The following SETD1B variants were observed in gnomAD, a reference collection of about 807,000 sequenced individuals.
The protein encoded by SETD1B is SET domain containing 1B, histone lysine methyltransferase.
A neutral mutation model predicts 148.0 loss-of-function variants in SETD1B; 7 were observed. The observed-to-expected ratio is 0.05, with a 90% CI of 0.03 to 0.09. The LOEUF (loss-of-function observed/expected upper bound fraction) is 0.09. Ranked by LOEUF, SETD1B falls within the 10% of genes least tolerant of loss-of-function variation. The pLI, the probability that SETD1B is intolerant of heterozygous loss-of-function variation, is 1.00. For missense variants in SETD1B, 2,155 were observed against 2,729.9 expected, an observed-to-expected ratio of 0.79 and a Z score of 4.69; for synonymous variants, 1,361 against 1,186.5, an observed-to-expected ratio of 1.15 and a Z score of -3.02.
the SETD1B span, among the ~76,000 whole-genome samples, chr12:121,791,826 T>C: frequency 1.3e-5 from 2 of 152,168 alleles, no homozygotes. Context: ...TGGGTTGCTG[T>C]GAATGTCTCC....
intron 11 of SETD1B, among the ~76,000 whole-genome samples, chr12:121,821,657 A>G (rs1876573952): frequency 6.6e-6 from 1 of 151,738 alleles, no homozygotes; most frequent in Non-Finnish European, 1.5e-5. Context: ...AGGCTGAGGA[A>G]GGAGAATTGC....
chr12:121,806,431 G>GC (rs1247756493), intron 4 of SETD1B, among the ~76,000 whole-genome samples: 1 of 152,186 alleles, frequency 6.6e-6, no homozygotes, highest in East Asian at 1.9e-4. Context: ...CCCCAGTGTT[G>GC]CCTGTGTTAG....
Position 121,819,868 on chromosome 12 carries a change from C to A in SETD1B, c.3883C>A (p.Pro1295Thr), listed in dbSNP as rs767376054. The A allele has an allele frequency of 6.4e-7, 1 of 1,550,958 alleles. No homozygotes were observed. Among genetic ancestry groups the A allele is most frequent in the South Asian group, 1.2e-5 (1 of 84,064 alleles). The change falls in exon 11 of 17, where the codon CCC (proline) becomes ACC (threonine). Residue 1295 changes from proline (P) to threonine (T), a missense_variant. By Grantham distance (38) the Pro-to-Thr change is conservative. This residue lies in a region of SETD1B where 862 missense variants were observed against 873.8 expected (regional missense o/e 0.99). Transcript: ENST00000604567. ...CCCTGCCAAGGAGGTGGAGGCTCGACCCCCATTGTCCCCTGAGCGAGCTCC... is the reference window on the plus strand; with the variant it reads ...CCCTGCCAAGGAGGTGGAGGCTCGAACCCCATTGTCCCCTGAGCGAGCTCC... ...EPPAKEVEAR[P>T]PLSPERAPEH...
intron 6 of SETD1B, among the ~76,000 whole-genome samples, chr12:121,813,427 T>C (rs1161449571): frequency 1.3e-5 from 2 of 152,250 alleles, no homozygotes; most frequent in African/African-American, 4.8e-5. Flanking sequence ...GCAGGGTGAC[T>C]GAGAGCACAG....
chr12:121,820,028 C>T lies in SETD1B; in HGVS notation c.3910+133C>T, dbSNP rs1876494942. On this transcript the variant is annotated intron_variant, in intron 11 of 16. Transcript: ENST00000604567. Reference sequence around the variant, plus strand: ...AGTTTCCCGTGTAAAACGAGATCAGCCGGTTGTGCCTCCCTCGAGCGAGAT... The same window carrying T: ...AGTTTCCCGTGTAAAACGAGATCAGTCGGTTGTGCCTCCCTCGAGCGAGAT... The T allele has an allele frequency of 6.7e-6, 5 of 751,008 alleles. No homozygotes were observed. The South Asian group carries it at 9.0e-5, about 13-fold the overall frequency. The allele number at this position is 751,008 out of a possible 1,614,324, so 46.5% of individuals were successfully genotyped here. A position where few individuals can be genotyped will look rare whatever the true frequency, so the allele number is the denominator to read the frequency against.
intron 13 of SETD1B, among the ~76,000 whole-genome samples, chr12:121,826,046 C>T (rs1350597224): frequency 1.3e-5 from 2 of 151,950 alleles, no homozygotes; most frequent in African/African-American, 2.4e-5. Flanking sequence ...AAATCCTATT[C>T]CTCGTGGAAT....
the SETD1B span, among the ~76,000 whole-genome samples, chr12:121,794,683 G>A: frequency 6.6e-6 from 1 of 152,180 alleles, no homozygotes; most frequent in African/African-American, 2.4e-5. Flanking sequence ...GCTGCTGGCT[G>A]AATTACCCGT....
At chr12:121,796,128 GGCTGGGCCGC>G in the SETD1B span, 1 of 152,770 alleles carries the variant, frequency 6.5e-6, no homozygotes, top group Middle Eastern at 3.4e-3. Flanking sequence ...CTTCCTCGGA[GGCTGGGCCGC>G]GCTGGGCCCA....
At position 121,819,483 on chromosome 12, in the gene SETD1B, A is replaced by G; in HGVS notation, c.3498A>G (p.Ser1166=). ...GTTCCGAGTCTTCTGAGTTTGAGTC[A>G]AGCTCCGAGTCCTCGCCCTCATCCT... ...SESSESSEFE[S]SSESSPSSSE... The change falls in exon 11 of 17, where the codon TCA becomes TCG. Residue 1166 remains serine, a synonymous_variant. Coordinates refer to ENST00000604567, the MANE Select transcript of SETD1B (RefSeq NM_001353345.2). 1 of 1,552,202 alleles carries G rather than the reference A, an allele frequency of 6.4e-7. No homozygotes were observed.
chr12:121,825,487 G>C (rs906048447), intron 13 of SETD1B, 121 bp downstream of exon 13: 9 of 823,616 alleles, frequency 1.1e-5, no homozygotes, highest in Middle Eastern at 3.7e-4. Context: ...CTGGCACACA[G>C]AGGGTGCAAG....
chr12:121,795,007 G>T, the SETD1B span, among the ~76,000 whole-genome samples: 1 of 152,336 alleles, frequency 6.6e-6, no homozygotes, highest in South Asian at 2.1e-4. Flanking sequence ...CTCGGCAAGG[G>T]TCATGTAAAC....
At chr12:121,793,566 A>G in the SETD1B span, 1 of 1,552,802 alleles carries the variant, frequency 6.4e-7, no homozygotes, top group Non-Finnish European at 8.7e-7. Context: ...GCCCACGATC[A>G]CGATCTTCAG....
At chr12:121,807,415 A>C (rs945706238) in intron 4 of SETD1B, among the ~76,000 whole-genome samples, 1 of 149,210 alleles carries the variant, frequency 6.7e-6, no homozygotes. Flanking sequence ...TTTAAGGAGC[A>C]GCCAGGTCTC....
At chr12:121,822,237 A>G (rs1876594876) in intron 11 of SETD1B, among the ~76,000 whole-genome samples, 1 of 152,146 alleles carries the variant, frequency 6.6e-6, no homozygotes, top group Admixed American at 6.5e-5. Context: ...TTTGTTCTGA[A>G]GACGTAGTAT....
chr12:121,811,687 G>A (rs1465908435), intron 6 of SETD1B, among the ~76,000 whole-genome samples: 2 of 152,164 alleles, frequency 1.3e-5, no homozygotes, highest in Non-Finnish European at 2.9e-5. Context: ...GCAGTCAGGG[G>A]CTTAGACAGA....
chr12:121,805,705 T>A lies in SETD1B; in HGVS notation c.274-130T>A, dbSNP rs867116268. On this transcript the variant is annotated intron_variant, in intron 3 of 16. Transcript: ENST00000604567. This position sits in a 1 kb window ranked among gnomAD's most constrained non-coding sequence, Gnocchi z 4.2. ...CCAAAAAAAATTTTTTTTTTTTTTT[T>A]AATTTTTAGTTTTTTTACCCTTTAT... 1,073 of 738,950 alleles carry A rather than the reference T, an allele frequency of 1.5e-3. 8 individuals carry two copies. Among genetic ancestry groups the A allele is most frequent in the Middle Eastern group, 3.3e-3 (7 of 2,126 alleles). The allele number at this position is 738,950 out of a possible 1,614,324, so 45.8% of individuals were successfully genotyped here. A position where few individuals can be genotyped will look rare whatever the true frequency, so the allele number is the denominator to read the frequency against.
the SETD1B span, chr12:121,793,194 C>T: frequency 7.7e-6 from 12 of 1,550,762 alleles, no homozygotes; most frequent in East Asian, 1.7e-4. Flanking sequence ...TTGCTGCCAA[C>T]GGTCACGCTG....
chr12:121,804,577 G>A lies in SETD1B; in HGVS notation c.-14-147G>A, dbSNP rs1875616853. On this transcript the variant is annotated intron_variant, in intron 1 of 16. Transcript: ENST00000604567. The surrounding 1 kb of genome is among the most constrained non-coding windows in gnomAD (Gnocchi z 4.6). ...TATTCTCTCGCTCCATTCTTGTTTT[G>A]GGGGGAGCCAGCGAGACAGCTCCTT... The A allele has an allele frequency of 1.6e-6, 1 of 642,048 alleles. No individual in the cohort carries two copies. The highest frequency in any genetic ancestry group is 2.6e-6 in the Non-Finnish European group (1 of 378,814). The allele number at this position is 642,048 out of a possible 1,614,324, so 39.8% of individuals were successfully genotyped here.
Position 121,808,064 on chromosome 12 carries a change from T to G in SETD1B, c.545-144T>G. 1.7e-6 allele frequency: 1 copy of G among 603,674 alleles called. No homozygotes were observed. The highest frequency in any genetic ancestry group is 1.9e-5 in the African/African-American group (1 of 52,972). 37.4% of individuals were successfully genotyped at this position (603,674 alleles called of 1,614,324 possible). ...GGACCCTGAGCGAGGTGCAGAGGGG[T>G]GGGAACTCAGGGCCACACAGCCTCC... On this transcript the variant is annotated intron_variant, in intron 4 of 16. Transcript: ENST00000604567. The surrounding 1 kb of genome is among the most constrained non-coding windows in gnomAD (Gnocchi z 5.3).
Sources: gnomAD v4.1 joint callset for allele counts (sites outside exome capture counted in the v4.1 genomes callset) on GRCh38, gnomAD v4.1.1 for gene constraint, gnomAD v4.1.1 regional missense constraint, Gnocchi (gnomAD v3.1) non-coding constraint, MANE v1.5 for transcripts, NCBI Gene and HGNC (gene_info 2026-07-23, HGNC 2026-07-21) for gene names.